Variants in CDKL4 observed in about 807,000 individuals in gnomAD.
The protein encoded by CDKL4 is cyclin dependent kinase like 4.
A neutral mutation model predicts 42.0 loss-of-function variants in CDKL4; 44 were observed. The observed-to-expected ratio is 1.05, with a 90% confidence interval of 0.82 to 1.35. The LOEUF is 1.35. CDKL4 is among the 40% of genes most tolerant of loss of function. CDKL4 has a pLI of 0.00. For synonymous variants in CDKL4, 120 were observed against 121.6 expected (o/e 0.99, Z 0.09); for missense variants, 393 against 369.9 (o/e 1.06, Z -0.51).
intron 9 of CDKL4, among the ~76,000 whole-genome samples, chr2:39,177,834 G>A (rs1008230077): frequency 1.4e-4 from 21 of 151,452 alleles, no homozygotes; most frequent in Admixed American, 4.6e-4. Flanking sequence ...GATTACAGGC[G>A]CCCGCCACCA....
rs376527934 is a variant in CDKL4 at position 39,205,728 on chromosome 2, C to G, written c.364-1111G>C. On this transcript the variant is annotated intron_variant, in intron 4 of 9. Coordinates refer to ENST00000451199, the Ensembl canonical transcript of CDKL4. ...TGAGCCAAGATGGTGCCACTGCACT[C>G]CAGCCTGGACGACGGAGCGAGACTC... 5.2e-3 allele frequency among the ~76,000 whole-genome samples: 696 copies of G among 134,762 alleles called. 4 individuals carry two copies. Among genetic ancestry groups the G allele is most frequent in the African/African-American group, 0.018 (666 of 36,614 alleles). 88.4% of individuals were successfully genotyped at this position (134,762 alleles called of 152,430 possible).
chr2:39,205,564 T>A (rs1360508331), intron 4 of CDKL4, among the ~76,000 whole-genome samples: 1 of 150,992 alleles, frequency 6.6e-6, no homozygotes, highest in Non-Finnish European at 1.5e-5. Context: ...ATAGAGACCA[T>A]CCTGGCCAAC....
chr2:39,170,400 C>G, the CDKL4 span, among the ~76,000 whole-genome samples: 2 of 151,888 alleles, frequency 1.3e-5, no homozygotes, highest in Non-Finnish European at 2.9e-5. Context: ...TCCTAAAAAT[C>G]TGTATCTTTG....
chr2:39,229,586 C>A, exon 2 of CDKL4: 1 of 1,406,110 alleles, frequency 7.1e-7, no homozygotes, highest in South Asian at 1.3e-5. Flanking sequence ...TACAATGCTG[C>A]ACCTGGAAAA....
At chr2:39,169,379 G>C in the CDKL4 span, among the ~76,000 whole-genome samples, 109 of 152,244 alleles carry the variant, frequency 7.2e-4, 1 homozygote, top group South Asian at 0.022. Flanking sequence ...GAGCTAGTAG[G>C]GTGTAGTCGT....
chr2:39,212,223 A>G (rs570199418), intron 4 of CDKL4, among the ~76,000 whole-genome samples: 1 of 151,794 alleles, frequency 6.6e-6, no homozygotes, highest in East Asian at 1.9e-4. Flanking sequence ...ACGGCTATAA[A>G]AAATTAATGA....
chr2:39,193,461 C>T (rs1676319998), intron 5 of CDKL4, among the ~76,000 whole-genome samples: 3 of 151,748 alleles, frequency 2.0e-5, no homozygotes, highest in South Asian at 4.2e-4. Flanking sequence ...CCGCAACCTC[C>T]ACCTCCCGGG....
chr2:39,214,540 C>G (rs1677798069), intron 3 of CDKL4, among the ~76,000 whole-genome samples: 1 of 152,184 alleles, frequency 6.6e-6, no homozygotes, highest in African/African-American at 2.4e-5. Flanking sequence ...AATCATCCAT[C>G]TTATGATATT....
chr2:39,204,399 T>C lies in CDKL4; in HGVS notation c.454+128A>G, dbSNP rs1677041785. 7 of 667,286 alleles carry C rather than the reference T, an allele frequency of 1.0e-5. No homozygotes were observed. In the East Asian group the frequency reaches 2.0e-4, roughly 19 times the overall value. 41.3% of individuals were successfully genotyped at this position (667,286 alleles called of 1,614,324 possible). A position where few individuals can be genotyped will look rare whatever the true frequency, so the allele number is the denominator to read the frequency against. Reference sequence around the variant, plus strand: ...GAATGTACTGACTAAAAGGCTAAAGTGAGATTTTCCTTTTTGAATAACAAC... The same window carrying C: ...GAATGTACTGACTAAAAGGCTAAAGCGAGATTTTCCTTTTTGAATAACAAC... On this transcript the variant is annotated intron_variant, in intron 5 of 9. Transcript: ENST00000451199.
At chr2:39,218,961 A>G (rs899305803) in intron 3 of CDKL4, among the ~76,000 whole-genome samples, 3 of 152,130 alleles carry the variant, frequency 2.0e-5, no homozygotes, top group South Asian at 2.1e-4. Context: ...CTTGACTAAT[A>G]CACCTCCTGG....
intron 3 of CDKL4, among the ~76,000 whole-genome samples, chr2:39,220,991 T>TTG (rs1678301046): frequency 3.9e-5 from 2 of 51,214 alleles, no homozygotes; most frequent in Non-Finnish European, 1.5e-4. Context: ...TTTTTTTTTT[T>TTG]TTTTTTTTTG....
At chr2:39,204,218 A>G (rs1459847489) in intron 5 of CDKL4, among the ~76,000 whole-genome samples, 2 of 152,150 alleles carry the variant, frequency 1.3e-5, no homozygotes, top group Admixed American at 6.5e-5. Flanking sequence ...TTTATTGCCA[A>G]TCATCTTGTA....
At chr2:39,214,807 A>G (rs1677815418) in intron 3 of CDKL4, among the ~76,000 whole-genome samples, 1 of 152,198 alleles carries the variant, frequency 6.6e-6, no homozygotes, top group South Asian at 2.1e-4. Flanking sequence ...TAAGGATCCC[A>G]TAAGAATGAG....
chr2:39,211,908 T>C (rs527377999), intron 4 of CDKL4, among the ~76,000 whole-genome samples: 10 of 152,166 alleles, frequency 6.6e-5, no homozygotes, highest in Non-Finnish European at 1.5e-4. Flanking sequence ...ATAGCAGGCA[T>C]TGTTAACTAA....
intron 8 of CDKL4, among the ~76,000 whole-genome samples, chr2:39,182,782 A>G (rs976512711): frequency 9.9e-5 from 15 of 152,188 alleles, no homozygotes; most frequent in African/African-American, 3.6e-4. Flanking sequence ...ATGAGTAATA[A>G]ATAAGAAAGA....
intron 4 of CDKL4, among the ~76,000 whole-genome samples, chr2:39,212,256 C>T (rs1222156910): frequency 1.4e-5 from 2 of 146,270 alleles, no homozygotes; most frequent in Admixed American, 1.4e-4. Context: ...TTTTTTGAGA[C>T]AGAGTCTCAC....
chr2:39,196,330 G>C (rs2148316975), intron 5 of CDKL4, among the ~76,000 whole-genome samples: 1 of 152,296 alleles, frequency 6.6e-6, no homozygotes, highest in African/African-American at 2.4e-5. Context: ...TCTGACAATG[G>C]ATCACATCAC....
intron 5 of CDKL4, among the ~76,000 whole-genome samples, chr2:39,202,364 C>A (rs1676909751): frequency 6.6e-6 from 1 of 152,234 alleles, no homozygotes; most frequent in African/African-American, 2.4e-5. Flanking sequence ...AATGTCTATT[C>A]AAGTCCTTTG....
At chr2:39,238,564 T>C (rs1415968634) in intron 1 of CDKL4, among the ~76,000 whole-genome samples, 1 of 152,174 alleles carries the variant, frequency 6.6e-6, no homozygotes, top group Non-Finnish European at 1.5e-5. Context: ...AAATCAACTT[T>C]GAAAAAGAAC....
Sources: allele counts gnomAD v4.1 joint callset (sites outside exome capture counted in the v4.1 genomes callset), GRCh38; gene constraint gnomAD v4.1.1; transcripts MANE v1.5; gene names NCBI Gene and HGNC (gene_info 2026-07-23, HGNC 2026-07-21).